C2CD3: variants seen among roughly 807,000 people sequenced by gnomAD.
C2CD3 encodes C2 domain containing 3 centriole elongation regulator.
C2CD3 carries 148 observed loss-of-function variants against 234.0 expected under a neutral mutation model. The ratio of observed to expected loss-of-function variants is 0.63; its 90% CI spans 0.55 to 0.72. The LOEUF is 0.72. Ranked by LOEUF, C2CD3 falls within the 30% of genes least tolerant of loss-of-function variation. The pLI, the probability that C2CD3 is intolerant of heterozygous loss-of-function variation, is 0.00. For synonymous variants in C2CD3, 1,000 were observed against 1,035.4 expected, an observed-to-expected ratio of 0.97 and a Z score of 0.66; for missense variants, 2,577 against 2,811.5, an observed-to-expected ratio of 0.92 and a Z score of 1.89.
Position 74,093,884 on chromosome 11 carries a change from G to A in C2CD3, c.3276C>T (p.Leu1092=). 6.2e-7 allele frequency: 1 copy of A among 1,614,092 alleles called. No homozygotes were observed. The highest frequency in any genetic ancestry group is 1.1e-5 in the South Asian group (1 of 91,084). The change falls in exon 18 of 33, where the codon CTC becomes CTT. Residue 1092 remains leucine, a synonymous_variant. Coordinates refer to ENST00000334126, the MANE Select transcript of C2CD3 (RefSeq NM_001286577.2). ...CCTGTGCAGAGAAAGCACTTAGTAG[G>A]AGCCTTTGCACTGGAACCTCAGCTG... ...LLPAEVPVQR[L]LLSAFSAQGL... is the part of the protein sequence containing the mutation.
At position 74,113,330 on chromosome 11, in the gene C2CD3, C is replaced by A. The variant is rs189125162; in HGVS notation, c.1843+450G>T. The A allele has an allele frequency of 3.8e-3, 633 of 166,756 alleles. 2 individuals carry two copies. Among genetic ancestry groups the A allele is most frequent in the Non-Finnish European group, 6.2e-3 (479 of 77,426 alleles). The allele number at this position is 166,756 out of a possible 1,614,324, so 10.3% of individuals were successfully genotyped here. ...GCGAATGCTAGTAAGTATGGGGTTT[C>A]TTTTAGGGGGGATGAAAATGTTCTA... On this transcript the variant is annotated intron_variant, in intron 11 of 32. Transcript: ENST00000334126.
intron 11 of C2CD3, chr11:74,113,350 G>A (rs1203910580): frequency 4.7e-5 from 8 of 169,726 alleles, no homozygotes; most frequent in Non-Finnish European, 8.8e-5. Flanking sequence ...GGATGAAAAT[G>A]TTCTAAAATT....
At chr11:74,136,857 G>T (rs1957880982) in intron 5 of C2CD3, among the ~76,000 whole-genome samples, 1 of 151,816 alleles carries the variant, frequency 6.6e-6, no homozygotes, top group Admixed American at 6.6e-5. Flanking sequence ...TAGGTTACAG[G>T]TTGATGGGTG....
At chr11:74,064,477 G>A (rs565907661) in intron 24 of C2CD3, among the ~76,000 whole-genome samples, 162 of 152,250 alleles carry the variant, frequency 1.1e-3, no homozygotes, top group African/African-American at 3.6e-3. Flanking sequence ...AATCAATATC[G>A]TGAAAATGGC....
intron 16 of C2CD3, among the ~76,000 whole-genome samples, chr11:74,096,136 C>T (rs181634019): frequency 6.6e-6 from 1 of 152,214 alleles, no homozygotes; most frequent in Non-Finnish European, 1.5e-5. Flanking sequence ...AAACAGCTCA[C>T]CTTCATTAAG....
intron 30 of C2CD3, among the ~76,000 whole-genome samples, chr11:74,035,014 G>A (rs1341960485): frequency 6.6e-6 from 1 of 152,188 alleles, no homozygotes; most frequent in Non-Finnish European, 1.5e-5. Context: ...TTTTGGGATG[G>A]AATGGGAGTG....
At chr11:74,059,334 C>T (rs1954104927) in intron 24 of C2CD3, among the ~76,000 whole-genome samples, 1 of 144,464 alleles carries the variant, frequency 6.9e-6, no homozygotes, top group Admixed American at 7.1e-5. Flanking sequence ...TGGCGTGAAC[C>T]TGGGAGGCGG....
intron 31 of C2CD3, among the ~76,000 whole-genome samples, chr11:74,031,684 C>A (rs1952527513): frequency 6.6e-6 from 1 of 152,138 alleles, no homozygotes; most frequent in African/African-American, 2.4e-5. Context: ...TCCTTGGCAC[C>A]CAGCACAGGG....
chr11:74,157,268 C>T (rs183792353), intron 3 of C2CD3, among the ~76,000 whole-genome samples: 30 of 152,242 alleles, frequency 2.0e-4, no homozygotes, highest in Admixed American at 1.6e-3. Context: ...CATATAGCTT[C>T]CTTCTCTTTT....
At chr11:74,014,167 T>C (rs1352351856) in intron 32 of C2CD3, among the ~76,000 whole-genome samples, 1 of 152,210 alleles carries the variant, frequency 6.6e-6, no homozygotes, top group Non-Finnish European at 1.5e-5. Context: ...CATTTTTCTT[T>C]CTTTTTTCTT....
Position 74,078,573 on chromosome 11 carries a change from G to A in C2CD3, c.4145C>T (p.Ala1382Val). The A allele has an allele frequency of 6.2e-7, 1 of 1,614,096 alleles. No individual in the cohort carries two copies. ...CTCAAAGCTCCAGCCCAAATGCTCA[G>A]CAGCTTCCAACACCCGTTCTCTATC... ...RGDRERVLEA[A>V]EHLGWSFENS... The change falls in exon 23 of 33, where the codon GCT becomes GTT. Residue 1382 changes from alanine (A) to valine (V), a missense_variant. Transcript: ENST00000334126.
chr11:74,135,166 C>T (rs1162779804), intron 5 of C2CD3, among the ~76,000 whole-genome samples: 1 of 152,212 alleles, frequency 6.6e-6, no homozygotes, highest in East Asian at 1.9e-4. Flanking sequence ...AGATGGCTAC[C>T]CCAAGATCCC....
chr11:74,111,342 A>G (rs980291910), intron 11 of C2CD3, among the ~76,000 whole-genome samples: 1 of 152,212 alleles, frequency 6.6e-6, no homozygotes, highest in Non-Finnish European at 1.5e-5. Flanking sequence ...CTGAATGCCA[A>G]TATGATGCCA....
chr11:74,075,979 C>A (rs539351928), intron 23 of C2CD3, among the ~76,000 whole-genome samples: 1 of 152,228 alleles, frequency 6.6e-6, no homozygotes, highest in Non-Finnish European at 1.5e-5. Flanking sequence ...AAGCTAAATA[C>A]TACCTTTGGT....
Position 74,069,748 on chromosome 11 carries a change from T to C in C2CD3, c.4951+4505A>G, listed in dbSNP as rs117901257. The stretch of plus-strand genomic sequence containing the variant: ...ATTATCTCCATCTGGTTAAGAGAAG[T>C]GCTCTCCCTTTGGCCTGGAGTGAAT... On this transcript the variant is annotated intron_variant, in intron 24 of 32. Coordinates refer to ENST00000334126, the MANE Select transcript of C2CD3 (RefSeq NM_001286577.2). Among the ~76,000 whole-genome samples, 656 of 152,332 alleles carry C rather than the reference T, an allele frequency of 4.3e-3. 2 individuals carry two copies. Among genetic ancestry groups the C allele is most frequent in the African/African-American group, 6.5e-3 (272 of 41,566 alleles).
At chr11:74,117,808 G>A (rs1267292114) in intron 9 of C2CD3, among the ~76,000 whole-genome samples, 5 of 151,878 alleles carry the variant, frequency 3.3e-5, no homozygotes, top group Non-Finnish European at 5.9e-5. Flanking sequence ...AGCTACTCGG[G>A]AGGCTGAGGC....
At chr11:74,055,113 A>G (rs1953894600) in intron 25 of C2CD3, among the ~76,000 whole-genome samples, 1 of 152,228 alleles carries the variant, frequency 6.6e-6, no homozygotes, top group African/African-American at 2.4e-5. Context: ...TGTTTCATAT[A>G]CATTTCATCT....
chr11:74,133,366 C>G, intron 6 of C2CD3, 59 bp downstream of exon 6: 1 of 1,500,948 alleles, frequency 6.7e-7, no homozygotes, highest in Non-Finnish European at 9.2e-7. Flanking sequence ...TGACAAAAAA[C>G]ACAGGTTAAC....
At chr11:74,128,808 TCC>T (rs1957509908) in intron 7 of C2CD3, 1 of 191,046 alleles carries the variant, frequency 5.2e-6, no homozygotes, top group Non-Finnish European at 1.1e-5. Context: ...CCGCCCTTAA[TCC>T]ATTCAACCCT....
Sources: allele counts gnomAD v4.1 joint callset (sites outside exome capture counted in the v4.1 genomes callset), GRCh38; gene constraint gnomAD v4.1.1; transcripts MANE v1.5; gene names NCBI Gene and HGNC (gene_info 2026-07-23, HGNC 2026-07-21).